Variants in WWOX observed in about 807,000 individuals in gnomAD.
WWOX encodes WW domain containing oxidoreductase, also known as WW domain-containing oxidoreductase.
A neutral mutation model predicts 46.2 loss-of-function variants in WWOX; 69 were observed. The observed-to-expected ratio is 1.49, with a 90% CI of 1.23 to 1.82. The LOEUF (loss-of-function observed/expected upper bound fraction) is 1.82, where lower values mean the gene tolerates loss of function less well. Among genes scored for constraint, WWOX ranks in the 40% most tolerant of loss-of-function variants. The probability of loss-of-function intolerance (pLI) is 0.00; values close to 1 mark genes in which losing one functional copy is unlikely to be tolerated. For missense variants in WWOX, 919 were observed against 542.6 expected, an observed-to-expected ratio of 1.69 and a Z score of -6.89; for synonymous variants, 359 against 202.6, an observed-to-expected ratio of 1.77 and a Z score of -6.56.
intron 5 of WWOX, among the ~76,000 whole-genome samples, chr16:78,172,508 T>G (rs2035196264): frequency 6.6e-6 from 1 of 152,224 alleles, no homozygotes; most frequent in Admixed American, 6.5e-5. Context: ...GTTTTCCGTT[T>G]CATTTCTCAT....
intron 8 of WWOX, among the ~76,000 whole-genome samples, chr16:78,894,647 C>T (rs1245131845): frequency 1.3e-5 from 2 of 152,116 alleles, no homozygotes; most frequent in East Asian, 3.9e-4. Flanking sequence ...CTTATACCTA[C>T]CCAGCCTGCT....
chr16:78,735,757 G>A (rs1214904977), intron 8 of WWOX, among the ~76,000 whole-genome samples: 4 of 151,684 alleles, frequency 2.6e-5, no homozygotes, highest in Non-Finnish European at 4.4e-5. Context: ...ACTTTAGAAT[G>A]TTGTTGACTG....
intron 8 of WWOX, among the ~76,000 whole-genome samples, chr16:78,856,608 A>T (rs2052572689): frequency 6.6e-6 from 1 of 152,154 alleles, no homozygotes; most frequent in African/African-American, 2.4e-5. Flanking sequence ...ATGCCACTGC[A>T]CTCCAGCGTG....
chr16:79,110,178 A>G (rs895076183), intron 8 of WWOX, among the ~76,000 whole-genome samples: 2 of 152,124 alleles, frequency 1.3e-5, no homozygotes, highest in Non-Finnish European at 2.9e-5. Context: ...CTTCTCACCC[A>G]TGAACATCTG....
chr16:78,128,345 G>C (rs563858645), intron 4 of WWOX, among the ~76,000 whole-genome samples: 1 of 152,200 alleles, frequency 6.6e-6, no homozygotes, highest in East Asian at 1.9e-4. Flanking sequence ...CTCATTTAAA[G>C]TTGACAGGCT....
At chr16:78,633,663 A>T (rs1268195072) in intron 8 of WWOX, among the ~76,000 whole-genome samples, 2 of 152,202 alleles carry the variant, frequency 1.3e-5, no homozygotes, top group East Asian at 3.9e-4. Context: ...TCAAGAAAGC[A>T]ACTTGTGCTA....
At chr16:78,188,702 G>A (rs532155241) in intron 5 of WWOX, among the ~76,000 whole-genome samples, 1 of 152,110 alleles carries the variant, frequency 6.6e-6, no homozygotes, top group South Asian at 2.1e-4. Flanking sequence ...GACCCAGGCT[G>A]GAAAACCACT....
chr16:79,011,513 A>G (rs1483087425), intron 8 of WWOX, among the ~76,000 whole-genome samples: 1 of 126,144 alleles, frequency 7.9e-6, no homozygotes, highest in Non-Finnish European at 1.7e-5. Context: ...ATTTTTTGAG[A>G]CAGGGTCTTA....
intron 8 of WWOX, among the ~76,000 whole-genome samples, chr16:78,719,145 TG>T (rs888795492): frequency 3.9e-5 from 6 of 152,148 alleles, no homozygotes; most frequent in Non-Finnish European, 5.9e-5. Flanking sequence ...TCTGTGTGAT[TG>T]TGGGTGATCT....
chr16:78,358,065 C>G (rs1353428910), intron 5 of WWOX, among the ~76,000 whole-genome samples: 1 of 152,202 alleles, frequency 6.6e-6, no homozygotes, highest in African/African-American at 2.4e-5. Context: ...TTTCATCTTT[C>G]TGCATACACT....
In WWOX at chr16:78,882,253, G is replaced by C. The variant is rs181861530; in HGVS notation, c.1057-329355G>C. Reference sequence around the variant, plus strand: ...TGTATAGTATGTTATAGTTTTCAAAGTCTTTGACAATTATACCTAGGGAGC... The same window carrying C: ...TGTATAGTATGTTATAGTTTTCAAACTCTTTGACAATTATACCTAGGGAGC... On this transcript the variant is annotated intron_variant, in intron 8 of 8. Coordinates refer to ENST00000566780, the MANE Select transcript of WWOX (RefSeq NM_016373.4). 4.1e-3 allele frequency among the ~76,000 whole-genome samples: 628 copies of C among 152,282 alleles called. 2 individuals are homozygous for C. Among genetic ancestry groups the C allele is most frequent in the Non-Finnish European group, 5.7e-3 (387 of 68,030 alleles).
chr16:78,211,174 C>T (rs948773410), intron 5 of WWOX, among the ~76,000 whole-genome samples: 1 of 152,126 alleles, frequency 6.6e-6, no homozygotes, highest in African/African-American at 2.4e-5. Flanking sequence ...AGAGAACAGA[C>T]ATTGTGAGTT....
chr16:78,400,772 A>G (rs926682705), intron 6 of WWOX, among the ~76,000 whole-genome samples: 4 of 151,944 alleles, frequency 2.6e-5, no homozygotes, highest in East Asian at 3.9e-4. Context: ...ATTTGTATCA[A>G]TGAATACACT....
At chr16:79,138,214 G>A (rs2050020488) in intron 8 of WWOX, among the ~76,000 whole-genome samples, 1 of 152,114 alleles carries the variant, frequency 6.6e-6, no homozygotes, top group Non-Finnish European at 1.5e-5. Flanking sequence ...ATTGTTTCAG[G>A]GAGTCATTCC....
intron 5 of WWOX, among the ~76,000 whole-genome samples, chr16:78,331,581 C>T (rs9940624): frequency 0.091 from 13,779 of 152,184 alleles, 1,290 homozygotes; most frequent in African/African-American, 0.24. Context: ...AGCACACAGA[C>T]GTGGCCCTGT....
At chr16:78,603,902 G>A (rs1336455456) in intron 8 of WWOX, among the ~76,000 whole-genome samples, 5 of 152,076 alleles carry the variant, frequency 3.3e-5, no homozygotes, top group African/African-American at 7.2e-5. Context: ...AGCACTTCAG[G>A]AGGCTGACGT....
chr16:78,981,434 A>G (rs950855955), intron 8 of WWOX, among the ~76,000 whole-genome samples: 4 of 131,554 alleles, frequency 3.0e-5, no homozygotes, highest in Non-Finnish European at 6.4e-5. Context: ...TGTTTATATG[A>G]AGCATCATTT....
chr16:78,625,271 C>G lies in WWOX; in HGVS notation c.1056+192519C>G, dbSNP rs192607274. On this transcript the variant is annotated intron_variant, in intron 8 of 8. Coordinates refer to ENST00000566780, the MANE Select transcript of WWOX (RefSeq NM_016373.4). The stretch of plus-strand genomic sequence containing the variant: ...GCCCCACTCTTTAGCCTCAGTCCCT[C>G]TGTGGTTCCCCTGACTGAGCTCCTC... 2.0e-5 allele frequency among the ~76,000 whole-genome samples: 3 copies of G among 152,288 alleles called. No homozygotes were observed. The East Asian group carries it at 5.8e-4, about 29-fold the overall frequency.
rs560870099 is a variant in WWOX at position 78,315,708 on chromosome 16, G to A, written c.517-71152G>A. Among the ~76,000 whole-genome samples, 13 of 152,226 alleles carry A rather than the reference G, an allele frequency of 8.5e-5. 1 individual carries two copies. The South Asian group carries it at 2.7e-3, about 32-fold the overall frequency. ...AGAGAGGGGAAAACAATCATTTCTT[G>A]TGCGCTAATGCCACTCAGCAGGTGC... On this transcript the variant is annotated intron_variant, in intron 5 of 8. Transcript: ENST00000566780.
Sources: gnomAD v4.1 joint callset for allele counts (sites outside exome capture counted in the v4.1 genomes callset) on GRCh38, gnomAD v4.1.1 for gene constraint, MANE v1.5 for transcripts, NCBI Gene and HGNC (gene_info 2026-07-23, HGNC 2026-07-21) for gene names.